The following PRDM16 variants were observed in gnomAD, a reference collection of about 807,000 sequenced individuals.
PRDM16 encodes PR/SET domain 16.
Under a neutral mutation model 110.6 loss-of-function variants are expected in PRDM16, and 23 were observed. The observed-to-expected ratio is 0.21, with a 90% CI of 0.15 to 0.29. The LOEUF is 0.29. Among genes scored for constraint, PRDM16 ranks in the 10% least tolerant of loss-of-function variants. PRDM16 has a pLI of 1.00. For synonymous variants in PRDM16, 799 were observed against 781.8 expected (o/e 1.02, Z -0.37); for missense variants, 1,615 against 1,794.3 (o/e 0.90, Z 1.81).
chr1:3,240,774 C>T (rs1249364886), intron 2 of PRDM16, among the ~76,000 whole-genome samples: 1 of 152,210 alleles, frequency 6.6e-6, no homozygotes, highest in Admixed American at 6.5e-5. Flanking sequence ...GGCCTCTTTG[C>T]TGACTTTTTG....
At chr1:3,126,252 G>A (rs919972284) in intron 1 of PRDM16, among the ~76,000 whole-genome samples, 3 of 152,208 alleles carry the variant, frequency 2.0e-5, no homozygotes, top group African/African-American at 4.8e-5. Flanking sequence ...GCCGCCGCAC[G>A]CGGCCAGCCT....
intron 3 of PRDM16, among the ~76,000 whole-genome samples, chr1:3,303,144 G>A (rs1438192719): frequency 6.6e-6 from 1 of 151,964 alleles, no homozygotes; most frequent in African/African-American, 2.4e-5. Flanking sequence ...GTCACAGAGT[G>A]GCACACCACA....
Position 3,194,779 on chromosome 1 carries a change from C to T in PRDM16, c.387+8305C>T, listed in dbSNP as rs145786744. On this transcript the variant is annotated intron_variant, in intron 2 of 16. Coordinates refer to ENST00000270722, the MANE Select transcript of PRDM16 (RefSeq NM_022114.4). ...TTAGGGCTTGGTATTCTCAGTCCCA[C>T]GTTTTATCATCTAAACGCCAAAACT... is the stretch of plus-strand genomic sequence containing the variant. Among the ~76,000 whole-genome samples the T allele has an allele frequency of 2.0e-5, 3 of 152,076 alleles. No individual in the cohort carries two copies. In the East Asian group the frequency reaches 5.8e-4, roughly 29 times the overall value.
chr1:3,376,061 C>G, intron 3 of PRDM16, among the ~76,000 whole-genome samples: 1 of 152,174 alleles, frequency 6.6e-6, no homozygotes, highest in Middle Eastern at 3.4e-3. Flanking sequence ...TCAGTGCACC[C>G]CAGGAGCGCC....
At chr1:3,223,213 T>C (rs1233591064) in intron 2 of PRDM16, among the ~76,000 whole-genome samples, 1 of 151,102 alleles carries the variant, frequency 6.6e-6, no homozygotes, top group Admixed American at 6.6e-5. Flanking sequence ...AAGGCTTCTT[T>C]CTGGAGTCTG....
Position 3,232,331 on chromosome 1 carries a change from C to T in PRDM16, c.388-11756C>T, listed in dbSNP as rs147664153. Reference sequence around the variant, plus strand: ...CATTTGCTGGCCCTGTGACATTGGACGACTTAACCTAACCTCTCTGAGCCT... The same window carrying T: ...CATTTGCTGGCCCTGTGACATTGGATGACTTAACCTAACCTCTCTGAGCCT... On this transcript the variant is annotated intron_variant, in intron 2 of 16. Transcript: ENST00000270722. Among the ~76,000 whole-genome samples the T allele has an allele frequency of 1.3e-3, 200 of 152,300 alleles. 1 individual carries two copies. Among genetic ancestry groups the T allele is most frequent in the South Asian group, 7.0e-3 (34 of 4,824 alleles).
intron 1 of PRDM16, among the ~76,000 whole-genome samples, chr1:3,141,761 G>A (rs1292268698): frequency 3.3e-5 from 5 of 152,350 alleles, no homozygotes; most frequent in African/African-American, 2.4e-5. Context: ...AACAGACATA[G>A]ACAGAGAAGG....
rs566493681 is a variant in PRDM16 at position 3,191,136 on chromosome 1, G to A, written c.387+4662G>A. Among the ~76,000 whole-genome samples, 25 of 152,366 alleles carry A rather than the reference G, an allele frequency of 1.6e-4. No individual in the cohort carries two copies. In the South Asian group the frequency reaches 3.9e-3, roughly 24 times the overall value. On this transcript the variant is annotated intron_variant, in intron 2 of 16. Transcript: ENST00000270722. ...CAGCGGCCCTGCCTGTAATCAGAACGCTGATGAGTAAGTGCCTCTGCCTCT... is the reference window on the plus strand; with the variant it reads ...CAGCGGCCCTGCCTGTAATCAGAACACTGATGAGTAAGTGCCTCTGCCTCT...
intron 3 of PRDM16, among the ~76,000 whole-genome samples, chr1:3,342,916 A>G (rs147233041): frequency 1.3e-5 from 2 of 152,174 alleles, no homozygotes; most frequent in Admixed American, 1.3e-4. Flanking sequence ...TTTGGGTTGT[A>G]TCAGATGTGG....
At chr1:3,138,441 G>T (rs971950970) in intron 1 of PRDM16, among the ~76,000 whole-genome samples, 3 of 152,242 alleles carry the variant, frequency 2.0e-5, no homozygotes, top group African/African-American at 7.2e-5. Flanking sequence ...TGCCCCCGGA[G>T]CCGGCGTTGG....
intron 2 of PRDM16, 113 bp downstream of exon 2, chr1:3,186,587 A>C: frequency 1.5e-6 from 1 of 664,566 alleles, no homozygotes; most frequent in Non-Finnish European, 2.5e-6. Context: ...GGCCAGAGAG[A>C]GCGTTCAAAT....
intron 3 of PRDM16, among the ~76,000 whole-genome samples, chr1:3,291,362 CT>C (rs1243720972): frequency 6.6e-6 from 1 of 152,204 alleles, no homozygotes; most frequent in Admixed American, 6.5e-5. Context: ...CCTTCTGCCC[CT>C]GTGTTGCTTC....
chr1:3,305,971 C>T (rs969949874), intron 3 of PRDM16, among the ~76,000 whole-genome samples: 4 of 152,252 alleles, frequency 2.6e-5, no homozygotes, highest in African/African-American at 4.8e-5. Context: ...CTCAAGGTCA[C>T]GTGCTGGGTA....
intron 3 of PRDM16, among the ~76,000 whole-genome samples, chr1:3,304,901 T>G (rs1641279729): frequency 6.6e-6 from 1 of 152,052 alleles, no homozygotes; most frequent in African/African-American, 2.4e-5. Flanking sequence ...TATTCCTTCA[T>G]AGCCTGCCCT....
Position 3,390,218 on chromosome 1 carries a change from T to C in PRDM16, c.573+4932T>C, listed in dbSNP as rs1478131305. Among the ~76,000 whole-genome samples, 1 of 152,174 alleles carries C rather than the reference T, an allele frequency of 6.6e-6. No individual in the cohort carries two copies. Among genetic ancestry groups the C allele is most frequent in the Non-Finnish European group, 1.5e-5 (1 of 68,026 alleles). On this transcript the variant is annotated intron_variant, in intron 4 of 16. Coordinates refer to ENST00000270722, the MANE Select transcript of PRDM16 (RefSeq NM_022114.4). The surrounding 1 kb of genome is among the most constrained non-coding windows in gnomAD (Gnocchi z 5.0). ...CGCTTTCTGTTTTTTGGTTTATCTT[T>C]TTCTCATGTTGCCTCAATAGGGCAA... is the stretch of plus-strand genomic sequence containing the variant.
chr1:3,175,726 C>A lies in PRDM16; in HGVS notation c.38-10399C>A, dbSNP rs1006059329. Among the ~76,000 whole-genome samples the A allele has an allele frequency of 1.8e-4, 28 of 152,214 alleles. No homozygotes were observed. Among genetic ancestry groups the A allele is most frequent in the African/African-American group, 6.5e-4 (27 of 41,448 alleles). ...TGCAGGGAGGGTGACAGCCGGTCAG[C>A]CCTGAAGAAGCAGCAGAGAAACCAG... On this transcript the variant is annotated intron_variant, in intron 1 of 16. Transcript: ENST00000270722. This position sits in a 1 kb window ranked among gnomAD's most constrained non-coding sequence, Gnocchi z 4.8.
At chr1:3,402,204 C>T (rs1160264685) in intron 5 of PRDM16, among the ~76,000 whole-genome samples, 1 of 152,292 alleles carries the variant, frequency 6.6e-6, no homozygotes, top group Non-Finnish European at 1.5e-5. Flanking sequence ...GGGGGGGTCT[C>T]CCGTCTTAGG....
intron 3 of PRDM16, among the ~76,000 whole-genome samples, chr1:3,367,274 C>CAA (rs796732760): frequency 1.4e-5 from 2 of 143,130 alleles, no homozygotes; most frequent in African/African-American, 5.1e-5. Context: ...AGCTCTGTCT[C>CAA]AAAAAAAAAA....
intron 1 of PRDM16, among the ~76,000 whole-genome samples, chr1:3,101,043 C>T (rs1332552963): frequency 6.6e-5 from 10 of 152,090 alleles, no homozygotes; most frequent in Admixed American, 5.2e-4. Flanking sequence ...GGGATGCCCT[C>T]GGCGGGAGTG....
Sources: allele counts gnomAD v4.1 joint callset (sites outside exome capture counted in the v4.1 genomes callset), GRCh38; gene constraint gnomAD v4.1.1; non-coding constraint Gnocchi (gnomAD v3.1); transcripts MANE v1.5; gene names NCBI Gene and HGNC (gene_info 2026-07-23, HGNC 2026-07-21).